The following MACF1 variants were observed in gnomAD, a reference collection of about 807,000 sequenced individuals.
MACF1 encodes microtubule-actin cross-linking factor 1.
MACF1 carries 193 observed loss-of-function variants against 854.8 expected under a neutral mutation model. The ratio of observed to expected loss-of-function variants is 0.23; its 90% CI spans 0.20 to 0.25. The LOEUF is 0.25. MACF1 is among the 10% of genes least tolerant of loss of function. The pLI is 1.00. For missense variants in MACF1, 7,722 were observed against 8,929.1 expected (o/e 0.86, Z 5.45); for synonymous variants, 3,185 against 3,226.7 (o/e 0.99, Z 0.44).
intron 40 of MACF1, among the ~76,000 whole-genome samples, chr1:39,344,560 A>C (rs996178868): frequency 6.6e-6 from 1 of 152,076 alleles, no homozygotes; most frequent in African/African-American, 2.4e-5. Context: ...ATATGTTGGC[A>C]TGCTTCCAGG....
intron 89 of MACF1, 83 bp from the exon 90 acceptor site, chr1:39,458,287 G>C: frequency 1.4e-6 from 2 of 1,396,108 alleles, no homozygotes; most frequent in East Asian, 4.8e-5. Flanking sequence ...AGGCCGTAAA[G>C]TACCCATCCT....
intron 2 of MACF1, among the ~76,000 whole-genome samples, chr1:39,170,211 A>G (rs1490760223): frequency 6.6e-6 from 1 of 152,162 alleles, no homozygotes; most frequent in Non-Finnish European, 1.5e-5. Context: ...TCGTAGTCCA[A>G]GTTGATGTAT....
At chr1:39,447,346 A>G (rs1028708946) in intron 80 of MACF1, 86 bp from the exon 81 acceptor site, 8 of 1,270,568 alleles carry the variant, frequency 6.3e-6, no homozygotes, top group African/African-American at 4.5e-5. Context: ...CATTTGTTGT[A>G]CAATTCATGC....
At chr1:39,328,376 A>T (rs887431919) in intron 36 of MACF1, 1 of 152,104 alleles carries the variant, frequency 6.6e-6, no homozygotes, top group African/African-American at 2.4e-5. Flanking sequence ...GTTAAAAAAG[A>T]GGGGGGAAAA....
chr1:39,425,401 A>ATATC (rs1643693181), intron 61 of MACF1, among the ~76,000 whole-genome samples: 1 of 152,142 alleles, frequency 6.6e-6, no homozygotes, highest in South Asian at 2.1e-4. Context: ...GCCTTTAATC[A>ATATC]TATCTTTTCA....
At chr1:39,305,540 A>G (rs1253104588) in intron 23 of MACF1, among the ~76,000 whole-genome samples, 4 of 152,224 alleles carry the variant, frequency 2.6e-5, no homozygotes, top group Admixed American at 2.6e-4. Flanking sequence ...ATTAACATTT[A>G]GCTTTCTATG....
At chr1:39,114,509 C>A (rs1452763724) in intron 2 of MACF1, among the ~76,000 whole-genome samples, 1 of 151,948 alleles carries the variant, frequency 6.6e-6, no homozygotes, top group Non-Finnish European at 1.5e-5. Context: ...AGGAGGATCA[C>A]GAGTCCAGGA....
intron 21 of MACF1, among the ~76,000 whole-genome samples, chr1:39,299,906 C>T (rs1478850422): frequency 6.6e-6 from 1 of 152,066 alleles, no homozygotes; most frequent in Admixed American, 6.5e-5. Flanking sequence ...AGCTTTGTAG[C>T]TGTATTTGGA....
chr1:39,250,731 A>G (rs1645031671), intron 3 of MACF1, among the ~76,000 whole-genome samples: 1 of 152,166 alleles, frequency 6.6e-6, no homozygotes, highest in Non-Finnish European at 1.5e-5. Flanking sequence ...AAAATGTTCT[A>G]ACATTGATTA....
At chr1:39,412,026 A>C in intron 58 of MACF1, 5 of 1,614,024 alleles carry the variant, frequency 3.1e-6, no homozygotes, top group African/African-American at 1.3e-5. Context: ...TTAAGTCCAG[A>C]CAGCCAGCTG....
At position 39,366,054 on chromosome 1, in the gene MACF1, T is replaced by C. The variant is rs113483409; in HGVS notation, c.12772-2094T>C. 5.2e-3 allele frequency among the ~76,000 whole-genome samples: 789 copies of C among 152,324 alleles called. 6 individuals are homozygous for C. The highest frequency in any genetic ancestry group is 0.018 in the African/African-American group (729 of 41,554). On this transcript the variant is annotated intron_variant, in intron 49 of 100. Transcript: ENST00000564288. ...CATACTATTTTAATTATAGAGGCTTTATGGTATATTTTAATGTGTGGTAGA... is the reference window on the plus strand; with the variant it reads ...CATACTATTTTAATTATAGAGGCTTCATGGTATATTTTAATGTGTGGTAGA...
intron 30 of MACF1, among the ~76,000 whole-genome samples, 174 bp from the exon 31 acceptor site, chr1:39,319,490 C>T (rs944602572): frequency 2.0e-5 from 3 of 152,154 alleles, no homozygotes; most frequent in Admixed American, 1.3e-4. Context: ...TGAACCCAAA[C>T]CCACTGAACC....
intron 35 of MACF1, among the ~76,000 whole-genome samples, chr1:39,326,345 C>T (rs944459942): frequency 1.3e-5 from 2 of 152,144 alleles, no homozygotes; most frequent in African/African-American, 4.8e-5. Context: ...GACAAATATA[C>T]AGTGGGCTTT....
At chr1:39,137,227 G>A (rs914142010) in intron 2 of MACF1, among the ~76,000 whole-genome samples, 1 of 152,044 alleles carries the variant, frequency 6.6e-6, no homozygotes, top group African/African-American at 2.4e-5. Context: ...ACACCACCAC[G>A]CCTGGCTGAT....
At position 39,193,060 on chromosome 1, in the gene MACF1, C is replaced by T. The variant is rs569050043; in HGVS notation, c.221-38122C>T. ...CCGGGAGGCAGAGGTTGCAGTGAACCGAGATTGTGCCATTGCACTACAGTC... is the reference window on the plus strand; with the variant it reads ...CCGGGAGGCAGAGGTTGCAGTGAACTGAGATTGTGCCATTGCACTACAGTC... On this transcript the variant is annotated intron_variant, in intron 2 of 93. Coordinates refer to the MACF1 transcript ENST00000361689. Among the ~76,000 whole-genome samples, 295 of 151,886 alleles carry T rather than the reference C, an allele frequency of 1.9e-3. 2 individuals are homozygous for T. Among genetic ancestry groups the T allele is most frequent in the African/African-American group, 6.9e-3 (285 of 41,390 alleles).
In MACF1 at chr1:39,360,009, AAAAATATATATATAT is replaced by A. The variant is rs1174894399; in HGVS notation, c.12244+747_12244+761del. On this transcript the variant is annotated intron_variant, in intron 47 of 100. Coordinates refer to ENST00000564288, the MANE Select transcript of MACF1 (RefSeq NM_001394062.1). Reference sequence around the variant, plus strand: ...CTCAAAAAAAAAAAAAAAAAAAAAAAAAAATATATATATATATATATATATATATATATATATATA... The same window carrying A: ...CTCAAAAAAAAAAAAAAAAAAAAAAAATATATATATATATATATATATATA... Among the ~76,000 whole-genome samples, 456 of 52,978 alleles carry A rather than the reference AAAAATATATATATAT, an allele frequency of 8.6e-3. 17 individuals are homozygous for A. Among genetic ancestry groups the A allele is most frequent in the African/African-American group, 0.042 (431 of 10,272 alleles). 34.8% of individuals were successfully genotyped at this position (52,978 alleles called of 152,430 possible).
At chr1:39,277,025 C>CT (rs1645449843) in intron 6 of MACF1, among the ~76,000 whole-genome samples, 1 of 151,886 alleles carries the variant, frequency 6.6e-6, no homozygotes, top group Non-Finnish European at 1.5e-5. Context: ...ATATAATCTC[C>CT]TAATTTGAAG....
intron 97 of MACF1, among the ~76,000 whole-genome samples, chr1:39,476,474 G>A (rs1029978629): frequency 1.3e-5 from 2 of 152,044 alleles, no homozygotes; most frequent in East Asian, 3.9e-4. Flanking sequence ...AGGAGGCTGA[G>A]GCAGAAGAAT....
intron 23 of MACF1, among the ~76,000 whole-genome samples, chr1:39,308,650 C>A (rs1480718183): frequency 1.3e-5 from 2 of 151,368 alleles, no homozygotes; most frequent in Non-Finnish European, 1.5e-5. Flanking sequence ...CTTCATACTT[C>A]AGTTTTCTTT....
Sources: allele counts gnomAD v4.1 joint callset (sites outside exome capture counted in the v4.1 genomes callset), GRCh38; gene constraint gnomAD v4.1.1; transcripts MANE v1.5; gene names NCBI Gene and HGNC (gene_info 2026-07-23, HGNC 2026-07-21).